SLC28A2: variants seen among roughly 807,000 people sequenced by gnomAD.
SLC28A2 encodes the protein sodium/nucleoside cotransporter 2.
SLC28A2 carries 69 observed loss-of-function variants against 72.9 expected under a neutral mutation model. That is an observed-to-expected ratio of 0.95 (90% CI 0.78 to 1.16). The LOEUF (loss-of-function observed/expected upper bound fraction) is 1.16. SLC28A2 is among the 50% of genes most tolerant of loss of function. The pLI is 0.00. For missense variants in SLC28A2, 745 were observed against 791.1 expected (o/e 0.94, Z 0.70); for synonymous variants, 296 against 294.1 (o/e 1.01, Z -0.07).
At position 45,270,279 on chromosome 15, in the gene SLC28A2, GA is replaced by G; in HGVS notation, c.1648+4del. On this transcript the variant is annotated splice_donor_region_variant and intron_variant, in intron 15 of 17. Transcript: ENST00000347644. ...AGGAATCACACTTGGAGGCTTGAGT[GA>G]GTTCATCCATTTTCCCAGCTCCCCA... is the stretch of plus-strand genomic sequence containing the variant. 6.2e-7 allele frequency: 1 copy of G among 1,603,440 alleles called. No homozygotes were observed. The highest frequency in any genetic ancestry group is 8.5e-7 in the Non-Finnish European group (1 of 1,170,352).
Position 45,269,342 on chromosome 15 carries a change from T to C in SLC28A2, c.1373T>C (p.Ile458Thr). Residue 458 changes from isoleucine (I) to threonine (T), a missense_variant, in exon 14 of 18, where the codon ATC becomes ACC. Ile to Thr is a moderately conservative substitution (Grantham distance 89). Coordinates refer to ENST00000347644, the MANE Select transcript of SLC28A2 (RefSeq NM_004212.4). ...TGATATCTCTCTTTCACTCAGGTCA[T>C]CTGCTCCTATCTCCTAAGGCCCATG... ...VDIQGLTFQV[I>T]CSYLLRPMVF... is the part of the protein sequence containing the mutation. 1 of 1,613,558 alleles carries C rather than the reference T, an allele frequency of 6.2e-7. No homozygotes were observed.
intron 17 of SLC28A2, among the ~76,000 whole-genome samples, chr15:45,274,553 C>A (rs1207774590): frequency 2.6e-5 from 4 of 152,128 alleles, no homozygotes; most frequent in Non-Finnish European, 4.4e-5. Context: ...GGTCTGTTCA[C>A]TACATAGCTA....
rs535085064 is a variant in SLC28A2, at chr15:45,277,067, A to T, written c.*1554A>T. On this transcript the variant is annotated 3_prime_UTR_variant, in exon 18 of 18. Transcript: ENST00000347644. ...ATTAAAGTGGGAGGATGCTACTGAC[A>T]TCTAGTGAGTAGAGGCCAATATTGC... The T allele has an allele frequency of 6.6e-6, 1 of 152,232 alleles. No individual in the cohort carries two copies. Among genetic ancestry groups the T allele is most frequent in the East Asian group, 1.9e-4 (1 of 5,186 alleles). The allele number at this position is 152,232 out of a possible 1,614,324, so 9.4% of individuals were successfully genotyped here.
rs746131812 is a variant in SLC28A2 at position 45,263,991 on chromosome 15, T to A, written c.557T>A (p.Ile186Asn). ...PFAGICMFIL[I>N]LFACSKHHSA... ...GCAGGAATCTGCATGTTCATCCTTA[T>A]CCTCTTTGCCTGCTCCAAACACCAC... Residue 186 changes from isoleucine to asparagine, a missense_variant, in exon 6 of 18, where the codon ATC becomes AAC. By Grantham distance (149) the Ile-to-Asn change is moderately radical. Coordinates refer to ENST00000347644, the MANE Select transcript of SLC28A2 (RefSeq NM_004212.4). The A allele has an allele frequency of 6.7e-5, 108 of 1,613,352 alleles. No homozygotes were observed. The highest frequency in any genetic ancestry group is 9.2e-5 in the Non-Finnish European group (108 of 1,179,744).
rs190344826 is a variant in SLC28A2 at position 45,257,438 on chromosome 15, C to T, written c.170+3918C>T. On this transcript the variant is annotated intron_variant, in intron 3 of 17. Transcript: ENST00000347644. ...AATGTCTATTTCATCCTTTTGTCTCCTATAACACTGGAAACAATGCTTTAC... is the reference window on the plus strand; with the variant it reads ...AATGTCTATTTCATCCTTTTGTCTCTTATAACACTGGAAACAATGCTTTAC... Among the ~76,000 whole-genome samples, 61 of 152,276 alleles carry T rather than the reference C, an allele frequency of 4.0e-4. No individual in the cohort carries two copies. In the East Asian group the frequency reaches 0.011, roughly 27 times the overall value.
At chr15:45,267,634 A>G in intron 11 of SLC28A2, 32 bp from the exon 12 acceptor site, 1 of 1,614,038 alleles carries the variant, frequency 6.2e-7, no homozygotes. Flanking sequence ...GGTTTGATAG[A>G]AACACTGATG....
At position 45,275,421 on chromosome 15, in the gene SLC28A2, CCTT is replaced by C. The variant is rs1900723174; in HGVS notation, c.1889_1891del (p.Ser630del). 4.3e-6 allele frequency: 7 copies of C among 1,613,344 alleles called. No individual in the cohort carries two copies. Among genetic ancestry groups the C allele is most frequent in the South Asian group, 1.1e-5 (1 of 91,052 alleles). ...TACTTCTCTGAATGGCACCAACCCT[CCTT>C]CTTTTTCTGGTCCCTGGGAAGATAA... On this transcript the variant is annotated inframe_deletion, in exon 18 of 18. Coordinates refer to ENST00000347644, the MANE Select transcript of SLC28A2 (RefSeq NM_004212.4).
At chr15:45,274,132 G>A (rs1900675742) in intron 17 of SLC28A2, among the ~76,000 whole-genome samples, 1 of 151,998 alleles carries the variant, frequency 6.6e-6, no homozygotes, top group Non-Finnish European at 1.5e-5. Context: ...GTAGTTGCAG[G>A]ACCACCCTGT....
Position 45,269,264 on chromosome 15 carries a change from C to T in SLC28A2, c.1369-74C>T, listed in dbSNP as rs1900459750. The T allele has an allele frequency of 4.8e-6, 6 of 1,241,344 alleles. No homozygotes were observed. The Admixed American group carries it at 8.6e-5, about 18-fold the overall frequency. The allele number at this position is 1,241,344 out of a possible 1,614,324, so 76.9% of individuals were successfully genotyped here. On this transcript the variant is annotated intron_variant, in intron 13 of 17. Transcript: ENST00000347644. ...GGTGGAAGAGATTGGGCCAAGGCTC[C>T]AGAGAAGGTCCTTGGCACCTGACCT...
Position 45,265,651 on chromosome 15 carries a change from G to T in SLC28A2, c.849G>T (p.Trp283Cys). The change falls in exon 9 of 18, where the codon TGG becomes TGT. Residue 283 changes from tryptophan (W) to cysteine (C), a missense_variant. Physicochemically the swap from Trp to Cys is radical, Grantham distance 215. Coordinates refer to ENST00000347644, the MANE Select transcript of SLC28A2 (RefSeq NM_004212.4). ...SILYYLGLVQ[W>C]VVQKVAWFLQ... is the part of the protein sequence containing the mutation. ...TCTACTACCTGGGCCTTGTGCAATG[G>T]GTAGTTCAGAAGGTGAGTCGTTCTC... is the stretch of plus-strand genomic sequence containing the variant. 6.2e-7 allele frequency: 1 copy of T among 1,610,630 alleles called. No individual in the cohort carries two copies. Among genetic ancestry groups the T allele is most frequent in the Non-Finnish European group, 8.5e-7 (1 of 1,176,832 alleles).
At chr15:45,271,520 C>G (rs976706024) in intron 15 of SLC28A2, among the ~76,000 whole-genome samples, 1 of 149,768 alleles carries the variant, frequency 6.7e-6, no homozygotes, top group African/African-American at 2.5e-5. Context: ...TGTGATTGCA[C>G]CACTGCACTC....
Position 45,263,992 on chromosome 15 carries a change from C to T in SLC28A2, c.558C>T (p.Ile186=), listed in dbSNP as rs372617835. 7 of 1,613,230 alleles carry T rather than the reference C, an allele frequency of 4.3e-6. No homozygotes were observed. The highest frequency in any genetic ancestry group is 5.1e-6 in the Non-Finnish European group (6 of 1,179,626). ...CAGGAATCTGCATGTTCATCCTTAT[C>T]CTCTTTGCCTGCTCCAAACACCACA... ...PFAGICMFIL[I]LFACSKHHSA... The change falls in exon 6 of 18, where the codon ATC becomes ATT. Residue 186 remains isoleucine (I), a synonymous_variant. Coordinates refer to ENST00000347644, the MANE Select transcript of SLC28A2 (RefSeq NM_004212.4).
chr15:45,265,674 C>A lies in SLC28A2; in HGVS notation c.861+11C>A. The A allele has an allele frequency of 3.2e-6, 5 of 1,576,436 alleles. No homozygotes were observed. Among genetic ancestry groups the A allele is most frequent in the Non-Finnish European group, 4.4e-6 (5 of 1,145,694 alleles). ...TGGGTAGTTCAGAAGGTGAGTCGTT[C>A]TCTTACACCAGTCAGGAGACAGGCC... On this transcript the variant is annotated intron_variant, in intron 9 of 17. Coordinates refer to ENST00000347644, the MANE Select transcript of SLC28A2 (RefSeq NM_004212.4).
Position 45,275,584 on chromosome 15 carries a change from C to T in SLC28A2, c.*71C>T, listed in dbSNP as rs1900731424. 1 of 906,732 alleles carries T rather than the reference C, an allele frequency of 1.1e-6. No homozygotes were observed. 56.2% of individuals were successfully genotyped at this position (906,732 alleles called of 1,614,324 possible). On this transcript the variant is annotated 3_prime_UTR_variant, in exon 18 of 18. Transcript: ENST00000347644. Reference sequence around the variant, plus strand: ...GTGATTGCAAAGGTGTTTATGTACTCAGGGTGCCCACAACTCACTCACCAA... The same window carrying T: ...GTGATTGCAAAGGTGTTTATGTACTTAGGGTGCCCACAACTCACTCACCAA...
rs114596394 is a variant in SLC28A2, at chr15:45,265,594, C to T, written c.792C>T (p.Ile264=). ...KDVFAFQALP[I]IIFFGCVVSI... is the part of the protein sequence containing the mutation. The stretch of plus-strand genomic sequence containing the variant: ...CATTCTCATTACAGGCCTTACCAAT[C>T]ATCATTTTCTTTGGATGTGTGGTGT... Residue 264 remains isoleucine, a synonymous_variant, in exon 9 of 18, where the codon ATC becomes ATT. Coordinates refer to ENST00000347644, the MANE Select transcript of SLC28A2 (RefSeq NM_004212.4). 2.0e-4 allele frequency: 322 copies of T among 1,612,350 alleles called. No homozygotes were observed. The highest frequency in any genetic ancestry group is 2.5e-4 in the Non-Finnish European group (294 of 1,178,436).
At position 45,273,365 on chromosome 15, in the gene SLC28A2, C is replaced by A. The variant is rs4774554; in HGVS notation, c.1859+581C>A. 5.3e-5 allele frequency among the ~76,000 whole-genome samples: 8 copies of A among 151,990 alleles called. No homozygotes were observed. In the East Asian group the frequency reaches 1.5e-3, roughly 29 times the overall value. ...TAAAAATGAACTTGTTTACCAAAAT[C>A]TAGAATATGAAAAGAAGAGGATATG... On this transcript the variant is annotated intron_variant, in intron 17 of 17. Coordinates refer to ENST00000347644, the MANE Select transcript of SLC28A2 (RefSeq NM_004212.4).
chr15:45,264,819 G>T, intron 7 of SLC28A2, 51 bp downstream of exon 7: 1 of 1,125,554 alleles, frequency 8.9e-7, no homozygotes, highest in Non-Finnish European at 1.4e-6. Flanking sequence ...CCTAGAGAAA[G>T]GAGATTTGAG....
intron 12 of SLC28A2, 85 bp downstream of exon 12, chr15:45,267,881 T>A: frequency 6.9e-7 from 1 of 1,443,436 alleles, no homozygotes; most frequent in Non-Finnish European, 9.7e-7. Flanking sequence ...CAAGTCTCCC[T>A]GAGGGGGAAT....
Position 45,270,258 on chromosome 15 carries a change from A to G in SLC28A2, c.1630A>G (p.Ile544Val). The change falls in exon 15 of 18, where the codon ATC becomes GTC. Residue 544 changes from isoleucine (I) to valine (V), a missense_variant. By Grantham distance (29) the Ile-to-Val change is conservative. Coordinates refer to ENST00000347644, the MANE Select transcript of SLC28A2 (RefSeq NM_004212.4). ...ATTTGCCAATCTTAGTTCCATAGGA[A>G]TCACACTTGGAGGCTTGAGTGAGTT... Reference protein sequence around the residue: ...CGFANLSSIGITLGGLTSIVP... With the variant: ...CGFANLSSIGVTLGGLTSIVP... 6.2e-7 allele frequency: 1 copy of G among 1,612,852 alleles called. No individual in the cohort carries two copies. The highest frequency in any genetic ancestry group is 1.1e-5 in the South Asian group (1 of 91,050).
Sources: gnomAD v4.1 joint callset for allele counts (sites outside exome capture counted in the v4.1 genomes callset) on GRCh38, gnomAD v4.1.1 for gene constraint, MANE v1.5 for transcripts, NCBI Gene and HGNC (gene_info 2026-07-23, HGNC 2026-07-21) for gene names.